Variants in PML observed in about 807,000 individuals in gnomAD.
The protein encoded by PML is PML nuclear body scaffold, also known as protein PML.
PML carries 28 observed loss-of-function variants against 65.2 expected under a neutral mutation model. The observed-to-expected ratio is 0.43, with a 90% confidence interval of 0.32 to 0.59. The LOEUF is 0.59. Ranked by LOEUF, PML falls within the 20% of genes least tolerant of loss-of-function variation. PML has a pLI of 0.08. For synonymous variants in PML, 500 were observed against 508.8 expected (o/e 0.98, Z 0.23); for missense variants, 1,021 against 1,203.4 (o/e 0.85, Z 2.24).
intron 2 of PML, among the ~76,000 whole-genome samples, chr15:74,011,864 G>T (rs2070348066): frequency 6.6e-6 from 1 of 152,156 alleles, no homozygotes; most frequent in South Asian, 2.1e-4. Context: ...CAGGATGCAG[G>T]GTTTCCTGAT....
intron 4 of PML, chr15:74,028,564 C>T (rs1327606892): frequency 1.3e-5 from 2 of 152,006 alleles, no homozygotes. Context: ...GCATTGAGTA[C>T]ATTCACACTG....
chr15:74,021,442 C>T (rs942600577), intron 2 of PML, among the ~76,000 whole-genome samples: 32 of 151,940 alleles, frequency 2.1e-4, no homozygotes, highest in South Asian at 1.7e-3. Flanking sequence ...CAAAATTAGC[C>T]GGGGTGGTGG....
chr15:74,035,238 T>C lies in PML; in HGVS notation c.1710+708T>C. 1 of 1,606,404 alleles carries C rather than the reference T, an allele frequency of 6.2e-7. No individual in the cohort carries two copies. Among genetic ancestry groups the C allele is most frequent in the Non-Finnish European group, 8.5e-7 (1 of 1,173,766 alleles). ...AGCCCACTCCTCGCCAGCCCACTCC[T>C]CGCCAGCCCACTCCTCGCCAGTCCA... On this transcript the variant is annotated intron_variant, in intron 7 of 8. Transcript: ENST00000268058. The surrounding 1 kb of genome is among the most constrained non-coding windows in gnomAD (Gnocchi z 4.1).
At chr15:74,029,215 G>A (rs566023224) in intron 4 of PML, among the ~76,000 whole-genome samples, 251 of 151,962 alleles carry the variant, frequency 1.7e-3, no homozygotes, top group Non-Finnish European at 2.8e-3. Context: ...TCATTCTAAT[G>A]TGTGTGAGGT....
In PML at chr15:74,037,620, G is replaced by T; in HGVS notation, c.1710+3090G>T. The T allele has an allele frequency of 1.0e-6, 1 of 985,372 alleles. No homozygotes were observed. The highest frequency in any genetic ancestry group is 1.2e-6 in the Non-Finnish European group (1 of 829,932). 61.0% of individuals were successfully genotyped at this position (985,372 alleles called of 1,614,324 possible). On this transcript the variant is annotated intron_variant, in intron 7 of 8. Coordinates refer to ENST00000268058, the MANE Select transcript of PML (RefSeq NM_033238.3). This position sits in a 1 kb window ranked among gnomAD's most constrained non-coding sequence, Gnocchi z 4.2. The stretch of plus-strand genomic sequence containing the variant: ...CCTGCGCTTCCCCGCCAGTACCAGG[G>T]TGGCCTCTGTGCCTCTAGGTGCAGT...
At chr15:74,004,438 C>T (rs2069936278) in intron 2 of PML, among the ~76,000 whole-genome samples, 1 of 152,058 alleles carries the variant, frequency 6.6e-6, no homozygotes, top group East Asian at 1.9e-4. Context: ...GTAGCTAGGA[C>T]TATAGGTGCC....
rs183126223 is a variant in PML, at chr15:74,046,329, T to G, written c.*1321T>G. ...CTCTGATTAGCAGAACGACAGCCCC[T>G]TCCTCCTCCTCCCTCCTTCCCATCC... is the stretch of plus-strand genomic sequence containing the variant. On this transcript the variant is annotated 3_prime_UTR_variant, in exon 9 of 9. Coordinates refer to ENST00000268058, the MANE Select transcript of PML (RefSeq NM_033238.3). 1.5e-3 allele frequency: 359 copies of G among 233,286 alleles called. 1 individual carries two copies. Among genetic ancestry groups the G allele is most frequent in the African/African-American group, 7.5e-3 (343 of 45,460 alleles). The allele number at this position is 233,286 out of a possible 1,614,324, so 14.5% of individuals were successfully genotyped here.
intron 2 of PML, among the ~76,000 whole-genome samples, chr15:74,006,546 TCTTAA>T (rs1412455322): frequency 6.6e-6 from 1 of 152,092 alleles, no homozygotes; most frequent in Non-Finnish European, 1.5e-5. Context: ...TTACATAGCA[TCTTAA>T]TGAAAGAGAA....
At chr15:74,020,709 G>A (rs963246265) in intron 2 of PML, among the ~76,000 whole-genome samples, 1 of 152,156 alleles carries the variant, frequency 6.6e-6, no homozygotes, top group African/African-American at 2.4e-5. Flanking sequence ...GGTATATAAA[G>A]GTGTCAGCAG....
Position 74,044,449 on chromosome 15 carries a change from T to G in PML, c.2090T>G (p.Leu697Arg), listed in dbSNP as rs1356752075. The G allele has an allele frequency of 6.2e-7, 1 of 1,614,172 alleles. No individual in the cohort carries two copies. The highest frequency in any genetic ancestry group is 1.1e-5 in the South Asian group (1 of 91,082). The change falls in exon 9 of 9, where the codon CTG becomes CGG. Residue 697 changes from leucine (L) to arginine (R), a missense_variant. Coordinates refer to ENST00000268058, the MANE Select transcript of PML (RefSeq NM_033238.3). The part of the protein sequence containing the change: ...FFRALEDINR[L>R]WEFQEAISGF... ...CGGGCCCTGGAGGACATTAACAGGC[T>G]GTGGGAATTCCAGGAGGCCATCTCG...
intron 7 of PML, chr15:74,034,997 C>G: frequency 6.6e-7 from 1 of 1,522,616 alleles, no homozygotes; most frequent in Non-Finnish European, 8.8e-7. Flanking sequence ...AAATCCATTC[C>G]ACAGTGAAAC....
In PML at chr15:74,018,057, G is replaced by A. The variant is rs564551086; in HGVS notation, c.603-4771G>A. Among the ~76,000 whole-genome samples, 9 of 151,724 alleles carry A rather than the reference G, an allele frequency of 5.9e-5. No homozygotes were observed. In the South Asian group the frequency reaches 8.4e-4, roughly 14 times the overall value. ...AACCTAGCCAGGCGTGGTGGCTCAC[G>A]CCTGTAATCCCAGCACTTCTGGGAG... On this transcript the variant is annotated intron_variant, in intron 2 of 8. Coordinates refer to ENST00000268058, the MANE Select transcript of PML (RefSeq NM_033238.3).
chr15:74,007,884 G>A (rs1595885918), intron 2 of PML, among the ~76,000 whole-genome samples: 2 of 152,226 alleles, frequency 1.3e-5, no homozygotes, highest in African/African-American at 4.8e-5. Flanking sequence ...GCAGGGTTCC[G>A]TGCAGAAGGC....
intron 2 of PML, among the ~76,000 whole-genome samples, chr15:74,002,568 T>C (rs1471936633): frequency 6.7e-6 from 1 of 149,496 alleles, no homozygotes; most frequent in Non-Finnish European, 1.5e-5. Flanking sequence ...CTCAGCCTCC[T>C]GAGTAGCTGG....
At chr15:73,997,655 T>C (rs551174081) in intron 1 of PML, among the ~76,000 whole-genome samples, 4 of 152,350 alleles carry the variant, frequency 2.6e-5, no homozygotes, top group African/African-American at 9.6e-5. Flanking sequence ...ACCTCTTTAA[T>C]GAACCCCCAA....
At position 74,016,888 on chromosome 15, in the gene PML, C is replaced by T. The variant is rs576236107; in HGVS notation, c.603-5940C>T. Among the ~76,000 whole-genome samples, 43 of 146,714 alleles carry T rather than the reference C, an allele frequency of 2.9e-4. No individual in the cohort carries two copies. In the South Asian group the frequency reaches 9.5e-3, roughly 32 times the overall value. On this transcript the variant is annotated intron_variant, in intron 2 of 8. Coordinates refer to ENST00000268058, the MANE Select transcript of PML (RefSeq NM_033238.3). ...CTTGGCTCACTGCAAGCTCCGCCTCCCGGGTTCATGCCATTCTCCTGCCTC... is the reference window on the plus strand; with the variant it reads ...CTTGGCTCACTGCAAGCTCCGCCTCTCGGGTTCATGCCATTCTCCTGCCTC...
rs780746013 is a variant in PML, at chr15:74,044,623, G to A, written c.2264G>A (p.Arg755His). The A allele has an allele frequency of 4.7e-5, 76 of 1,606,238 alleles. No individual in the cohort carries two copies. The highest frequency in any genetic ancestry group is 4.0e-4 in the East Asian group (18 of 44,884). Residue 755 changes from arginine (R) to histidine (H), a missense_variant, in exon 9 of 9, where the codon CGC becomes CAC. Physicochemically the swap from Arg to His is conservative, Grantham distance 29. Transcript: ENST00000268058. Reference protein sequence around the residue: ...AAVLAMRDLCRLLEVSPGPQL... With the variant: ...AAVLAMRDLCHLLEVSPGPQL... Reference sequence around the variant, plus strand: ...GTGCTGGCCATGCGTGACCTGTGCCGCCTCCTCGAGGTCTCCCCGGGCCCC... The same window carrying A: ...GTGCTGGCCATGCGTGACCTGTGCCACCTCCTCGAGGTCTCCCCGGGCCCC...
At position 74,032,664 on chromosome 15, in the gene PML, A is replaced by T; in HGVS notation, c.1347A>T (p.Ala449=). The part of the protein sequence containing the change: ...PMAVVQSVPG[A]HPVPVYAFSI... ...CTGTGGTACAGTCAGTGCCCGGGGCACACCCCGTGCCAGTGTACGCCTTCT... is the reference window on the plus strand; with the variant it reads ...CTGTGGTACAGTCAGTGCCCGGGGCTCACCCCGTGCCAGTGTACGCCTTCT... The change falls in exon 5 of 9, where the codon GCA becomes GCT. Residue 449 remains alanine (A), a synonymous_variant. Transcript: ENST00000268058. 5.0e-6 allele frequency: 8 copies of T among 1,612,872 alleles called. No homozygotes were observed. In the South Asian group the frequency reaches 7.7e-5, roughly 16 times the overall value.
At chr15:74,018,131 C>T (rs796992229) in intron 2 of PML, among the ~76,000 whole-genome samples, 56 of 151,792 alleles carry the variant, frequency 3.7e-4, no homozygotes, top group African/African-American at 1.3e-3. Flanking sequence ...ACCAGCCTGG[C>T]CAACATGGTG....
Sources: gnomAD v4.1 joint callset for allele counts (sites outside exome capture counted in the v4.1 genomes callset) on GRCh38, gnomAD v4.1.1 for gene constraint, Gnocchi (gnomAD v3.1) non-coding constraint, MANE v1.5 for transcripts, NCBI Gene and HGNC (gene_info 2026-07-23, HGNC 2026-07-21) for gene names.